The following NRG3 variants were observed in gnomAD, a reference collection of about 807,000 sequenced individuals.
NRG3 encodes the protein neuregulin 3.
In NRG3, 31 loss-of-function variants were observed where a neutral mutation model predicts 66.9. The ratio of observed to expected loss-of-function variants is 0.46; its 90% CI spans 0.35 to 0.63. NRG3 has a LOEUF of 0.63. Among genes scored for constraint, NRG3 ranks in the 20% least tolerant of loss-of-function variants. The pLI, the probability that NRG3 is intolerant of heterozygous loss-of-function variation, is 0.00. For synonymous variants in NRG3, 393 were observed against 359.4 expected (o/e 1.09, Z -1.06); for missense variants, 910 against 878.9 (o/e 1.04, Z -0.45).
At chr10:82,505,490 T>C (rs1171030350) in intron 2 of NRG3, among the ~76,000 whole-genome samples, 1 of 152,186 alleles carries the variant, frequency 6.6e-6, no homozygotes, top group Non-Finnish European at 1.5e-5. Context: ...TCTATTTTCT[T>C]GTCAAATTGG....
At chr10:82,070,832 C>T (rs2064767200) in intron 1 of NRG3, among the ~76,000 whole-genome samples, 1 of 152,072 alleles carries the variant, frequency 6.6e-6, no homozygotes, top group Admixed American at 6.6e-5. Context: ...AATGTAACCC[C>T]CATTGTTTAT....
intron 1 of NRG3, among the ~76,000 whole-genome samples, chr10:82,310,200 C>G (rs896848125): frequency 1.3e-5 from 2 of 152,156 alleles, no homozygotes; most frequent in Admixed American, 1.3e-4. Flanking sequence ...TCATTTATCT[C>G]CATCATTATT....
chr10:82,239,573 A>C lies in NRG3; in HGVS notation c.824-119166A>C, dbSNP rs532580492. Among the ~76,000 whole-genome samples the C allele has an allele frequency of 4.6e-5, 7 of 152,330 alleles. No individual in the cohort carries two copies. The East Asian group carries it at 1.3e-3, about 29-fold the overall frequency. On this transcript the variant is annotated intron_variant, in intron 1 of 8. Coordinates refer to ENST00000372141, the MANE Select transcript of NRG3 (RefSeq NM_001010848.4). Reference sequence around the variant, plus strand: ...TAATTTATCTGATTACTAATTAAGCATCTCTTTGTTTACCTATTAGCATTA... The same window carrying C: ...TAATTTATCTGATTACTAATTAAGCCTCTCTTTGTTTACCTATTAGCATTA...
intron 2 of NRG3, among the ~76,000 whole-genome samples, chr10:82,385,673 G>C (rs928947442): frequency 2.6e-5 from 4 of 152,106 alleles, no homozygotes; most frequent in African/African-American, 9.7e-5. Context: ...GGGGATTTTT[G>C]CTATAAAGAG....
chr10:82,874,200 T>A (rs1443288008), intron 4 of NRG3, among the ~76,000 whole-genome samples: 1 of 152,106 alleles, frequency 6.6e-6, no homozygotes, highest in East Asian at 1.9e-4. Context: ...GCACTGGGGA[T>A]AATCTCCTAA....
intron 2 of NRG3, among the ~76,000 whole-genome samples, chr10:82,699,272 G>C (rs865822616): frequency 1.3e-4 from 17 of 132,180 alleles, no homozygotes; most frequent in African/African-American, 4.7e-4. Flanking sequence ...AGGAAGGAAG[G>C]AAGGAAGCAA....
intron 2 of NRG3, among the ~76,000 whole-genome samples, chr10:82,733,896 T>C (rs1458012640): frequency 1.3e-5 from 2 of 152,226 alleles, no homozygotes; most frequent in Non-Finnish European, 2.9e-5. Context: ...CAGATGAGAA[T>C]TGCAGAGATG....
chr10:82,511,983 T>G (rs1845218199), intron 2 of NRG3, among the ~76,000 whole-genome samples: 1 of 152,194 alleles, frequency 6.6e-6, no homozygotes, highest in Admixed American at 6.5e-5. Context: ...TATTTATTGT[T>G]TCATTTTTAA....
At chr10:82,082,162 T>G (rs1292396533) in intron 1 of NRG3, among the ~76,000 whole-genome samples, 1 of 152,244 alleles carries the variant, frequency 6.6e-6, no homozygotes, top group Non-Finnish European at 1.5e-5. Context: ...TTATGTGTAC[T>G]GCTTGATTTG....
chr10:82,451,591 T>A (rs1344778403), intron 2 of NRG3, among the ~76,000 whole-genome samples: 1 of 152,114 alleles, frequency 6.6e-6, no homozygotes, highest in African/African-American at 2.4e-5. Context: ...CAACAAGTAG[T>A]TTATTTAACT....
At chr10:82,494,860 G>A (rs1367817448) in intron 2 of NRG3, among the ~76,000 whole-genome samples, 1 of 152,046 alleles carries the variant, frequency 6.6e-6, no homozygotes, top group African/African-American at 2.4e-5. Flanking sequence ...ATATATGCAT[G>A]TGAGACATTG....
chr10:82,744,769 T>C (rs1477561201), intron 3 of NRG3, among the ~76,000 whole-genome samples: 2 of 152,192 alleles, frequency 1.3e-5, no homozygotes, highest in African/African-American at 4.8e-5. Flanking sequence ...AAACCCTGGC[T>C]TTCTTCTTTA....
At chr10:82,877,700 A>G (rs529043295) in intron 4 of NRG3, among the ~76,000 whole-genome samples, 7 of 152,132 alleles carry the variant, frequency 4.6e-5, no homozygotes, top group African/African-American at 1.7e-4. Context: ...CATGGGACAG[A>G]CTTTTAAACC....
At chr10:82,446,702 G>T (rs1303391487) in intron 2 of NRG3, among the ~76,000 whole-genome samples, 2 of 152,116 alleles carry the variant, frequency 1.3e-5, no homozygotes, top group Admixed American at 1.3e-4. Flanking sequence ...TTAATTCCTG[G>T]GTGATGGGCT....
At chr10:81,888,844 G>A (rs1039809920) in intron 1 of NRG3, among the ~76,000 whole-genome samples, 9 of 152,146 alleles carry the variant, frequency 5.9e-5, no homozygotes, top group South Asian at 2.1e-4. Flanking sequence ...CAGAAGGTGC[G>A]AGGTTTCCAG....
rs190387212 is a variant in NRG3 at position 82,112,946 on chromosome 10, A to G, written c.823+236783A>G. ...GGTTGTGCCCCATGGTTGATGAAAT[A>G]AGATGCCTAGCTCATCTTCTCCCCC... On this transcript the variant is annotated intron_variant, in intron 1 of 8. Transcript: ENST00000372141. Among the ~76,000 whole-genome samples the G allele has an allele frequency of 7.2e-5, 11 of 152,228 alleles. No individual in the cohort carries two copies. In the East Asian group the frequency reaches 1.9e-3, roughly 27 times the overall value.
At chr10:82,293,625 G>A (rs1418065462) in intron 1 of NRG3, among the ~76,000 whole-genome samples, 3 of 151,936 alleles carry the variant, frequency 2.0e-5, no homozygotes, top group Non-Finnish European at 4.4e-5. Context: ...GCAATGTGGG[G>A]GTCATTATAT....
At chr10:82,586,993 G>A (rs930355584) in intron 2 of NRG3, among the ~76,000 whole-genome samples, 2 of 151,942 alleles carry the variant, frequency 1.3e-5, no homozygotes, top group African/African-American at 2.4e-5. Flanking sequence ...TTTGCATTAG[G>A]ACAATGTTTC....
intron 1 of NRG3, among the ~76,000 whole-genome samples, chr10:82,085,876 G>A (rs1245276726): frequency 6.6e-6 from 1 of 151,996 alleles, no homozygotes; most frequent in African/African-American, 2.4e-5. Context: ...GACCTCAGGT[G>A]ATCTGCCCGC....
Sources: gnomAD v4.1 joint callset for allele counts (sites outside exome capture counted in the v4.1 genomes callset) on GRCh38, gnomAD v4.1.1 for gene constraint, MANE v1.5 for transcripts, NCBI Gene and HGNC (gene_info 2026-07-23, HGNC 2026-07-21) for gene names.